ACSM3: variants seen among roughly 807,000 people sequenced by gnomAD.
The protein encoded by ACSM3 is acyl-CoA synthetase medium chain family member 3, also known as acyl-coenzyme A synthetase ACSM3, mitochondrial.
In ACSM3, 61 loss-of-function variants were observed where a neutral mutation model predicts 74.1. The ratio of observed to expected loss-of-function variants is 0.82; its 90% CI spans 0.67 to 1.02. The LOEUF (loss-of-function observed/expected upper bound fraction) is 1.02, where lower values mean the gene tolerates loss of function less well. Among genes scored for constraint, ACSM3 ranks in the 50% least tolerant of loss-of-function variants. The probability of loss-of-function intolerance (pLI) is 0.00; values close to 1 mark genes in which losing one functional copy is unlikely to be tolerated. For missense variants in ACSM3, 660 were observed against 697.0 expected, an observed-to-expected ratio of 0.95 and a Z score of 0.60; for synonymous variants, 213 against 241.5, an observed-to-expected ratio of 0.88 and a Z score of 1.09.
At chr16:20,761,976 G>GA (rs2080080710), upstream of ACSM3, among the ~76,000 whole-genome samples, 2 of 152,116 alleles carry the variant, frequency 1.3e-5, no homozygotes, top group African/African-American at 2.4e-5. Flanking sequence ...CCATGCCAAG[G>GA]AAAAAATCAA....
intron 1 of ACSM3, among the ~76,000 whole-genome samples, chr16:20,693,169 CA>C (rs35507753): frequency 0.17 from 19,535 of 114,324 alleles, 1,214 homozygotes; most frequent in Middle Eastern, 0.27. Flanking sequence ...AATTCCGTCT[CA>C]AAAAAAAAAA....
chr16:20,745,101 C>T (rs2079952282), intron 1 of ACSM3, among the ~76,000 whole-genome samples: 1 of 152,224 alleles, frequency 6.6e-6, no homozygotes, highest in South Asian at 2.1e-4. Context: ...TCGTCCAGCT[C>T]TAAATAACTC....
intron 1 of ACSM3, among the ~76,000 whole-genome samples, chr16:20,694,975 T>C (rs1282763964): frequency 1.3e-5 from 2 of 152,166 alleles, no homozygotes; most frequent in Non-Finnish European, 2.9e-5. Flanking sequence ...CTTCAGAACT[T>C]TGAGAAAATC....
chr16:20,678,001 AC>A (rs1403720317), intron 1 of ACSM3, among the ~76,000 whole-genome samples: 3 of 151,376 alleles, frequency 2.0e-5, no homozygotes, highest in Admixed American at 6.6e-5. Flanking sequence ...AAGGAAGAAT[AC>A]TAAAGGCTAA....
Position 20,781,076 on chromosome 16 carries a change from AGC to A in ACSM3, c.886_887del (p.Ala296MetfsTer11). 6.2e-7 allele frequency: 1 copy of A among 1,614,168 alleles called. No homozygotes were observed. The highest frequency in any genetic ancestry group is 8.5e-7 in the Non-Finnish European group (1 of 1,180,020). On this transcript the variant is annotated frameshift_variant, in exon 6 of 14. Coordinates refer to ENST00000289416, the MANE Select transcript of ACSM3 (RefSeq NM_005622.4). LOFTEE classifies it high-confidence loss of function. ...GTGTTTTTTCTCCGTGGATCCAGGG[AGC>A]ATGTGTATTCACACACCATTTACCC... ...SSVFSPWIQG[A>X]CVFTHHLPRF...
intron 7 of ACSM3, among the ~76,000 whole-genome samples, chr16:20,782,219 C>G (rs897110727): frequency 4.6e-5 from 7 of 152,060 alleles, no homozygotes; most frequent in Admixed American, 3.9e-4. Flanking sequence ...CCCCGTTTCT[C>G]TTTGTTTTGT....
At chr16:20,689,302 A>G (rs2079611138) in intron 1 of ACSM3, among the ~76,000 whole-genome samples, 1 of 152,144 alleles carries the variant, frequency 6.6e-6, no homozygotes, top group Admixed American at 6.5e-5. Context: ...TATTTATTGA[A>G]TATACACAAA....
chr16:20,690,568 G>T (rs968777320), intron 1 of ACSM3, among the ~76,000 whole-genome samples: 1 of 152,120 alleles, frequency 6.6e-6, no homozygotes, highest in Non-Finnish European at 1.5e-5. Context: ...GCACATTCAG[G>T]TGGTCTATCC....
At chr16:20,741,478 C>CAGGGGG in intron 1 of ACSM3, 2 of 1,336,932 alleles carry the variant, frequency 1.5e-6, no homozygotes, top group Non-Finnish European at 1.9e-6. Flanking sequence ...GGCCTGGCAG[C>CAGGGGG]CGGCCCGCCC....
At chr16:20,680,562 C>T (rs2079421820) in intron 1 of ACSM3, 1 of 152,222 alleles carries the variant, frequency 6.6e-6, no homozygotes, top group Non-Finnish European at 1.5e-5. Context: ...AACCAACAGC[C>T]TCAGCCAGTG....
At position 20,781,767 on chromosome 16, in the gene ACSM3, T is replaced by C. The variant is rs2080358451; in HGVS notation, c.999T>C (p.Leu333=). 1.2e-6 allele frequency: 2 copies of C among 1,611,328 alleles called. No homozygotes were observed. Among genetic ancestry groups the C allele is most frequent in the Non-Finnish European group, 1.7e-6 (2 of 1,177,594 alleles). Residue 333 remains leucine, a synonymous_variant, in exon 7 of 14, where the codon CTT becomes CTC. Coordinates refer to ENST00000289416, the MANE Select transcript of ACSM3 (RefSeq NM_005622.4). ...FCSAPTVYRM[L]VQNDITSYKF... ...CAGCACCAACTGTATACCGAATGCTTGTACAGAATGATATAACCAGGTAAG... is the reference window on the plus strand; with the variant it reads ...CAGCACCAACTGTATACCGAATGCTCGTACAGAATGATATAACCAGGTAAG...
chr16:20,739,810 G>A (rs546969826), intron 1 of ACSM3, among the ~76,000 whole-genome samples: 325 of 145,272 alleles, frequency 2.2e-3, no homozygotes, highest in African/African-American at 7.5e-3. Context: ...GACAGAGCAA[G>A]ACTCTGTCTC....
intron 1 of ACSM3, among the ~76,000 whole-genome samples, chr16:20,748,183 A>G (rs2079966267): frequency 6.6e-6 from 1 of 151,650 alleles, no homozygotes; most frequent in African/African-American, 2.4e-5. Context: ...AAATAAATAA[A>G]CAAAGAGTCT....
At position 20,717,989 on chromosome 16, in the gene ACSM3, A is replaced by G. The variant is rs574099064; in HGVS notation, c.-189-31921A>G. On this transcript the variant is annotated intron_variant, in intron 1 of 3. Coordinates refer to the ACSM3 transcript ENST00000561584. ...AAGAAGAAGAAGAAGAAGAAGAAGA[A>G]GAAGAAGAAGAAGAAGAAGAAGAAG... Among the ~76,000 whole-genome samples the G allele has an allele frequency of 3.6e-3, 520 of 142,482 alleles. 5 individuals carry two copies. The highest frequency in any genetic ancestry group is 6.4e-3 in the Non-Finnish European group (397 of 61,956). 93.5% of individuals were successfully genotyped at this position (142,482 alleles called of 152,430 possible).
At chr16:20,738,798 G>A (rs2079892343) in intron 1 of ACSM3, 1 of 1,369,286 alleles carries the variant, frequency 7.3e-7, no homozygotes, top group South Asian at 1.3e-5. Flanking sequence ...ATGATTAACT[G>A]AGTCATGCCC....
Position 20,790,105 on chromosome 16 carries a change from A to G in ACSM3, c.1225-482A>G, listed in dbSNP as rs1292040901. Among the ~76,000 whole-genome samples, 2 of 152,168 alleles carry G rather than the reference A, an allele frequency of 1.3e-5. No homozygotes were observed. Among genetic ancestry groups the G allele is most frequent in the East Asian group, 3.8e-4 (2 of 5,198 alleles). On this transcript the variant is annotated intron_variant, in intron 9 of 13. Coordinates refer to ENST00000289416, the MANE Select transcript of ACSM3 (RefSeq NM_005622.4). This position sits in a 1 kb window ranked among gnomAD's most constrained non-coding sequence, Gnocchi z 4.0. ...GTTGGTAACCTGTATTTAATATTTT[A>G]TGCAATAAGAATTTAAGTAAATATA...
rs61582869 is a variant in ACSM3, at chr16:20,742,813, A to ATATATTTT, written c.-189-7096_-189-7095insATATTTTT. ...TGTAAATATATATATATATATATAT[A>ATATATTTT]TTTTTTTTTTTTCCCTTCTCCCCTT... On this transcript the variant is annotated intron_variant, in intron 1 of 3. Coordinates refer to the ACSM3 transcript ENST00000561584. 9.0e-3 allele frequency among the ~76,000 whole-genome samples: 598 copies of ATATATTTT among 66,772 alleles called. 3 individuals are homozygous for ATATATTTT. Among genetic ancestry groups the ATATATTTT allele is most frequent in the African/African-American group, 0.016 (372 of 23,342 alleles). The allele number at this position is 66,772 out of a possible 152,430, so 43.8% of individuals were successfully genotyped here. A position where few individuals can be genotyped will look rare whatever the true frequency, so the allele number is the denominator to read the frequency against.
intron 1 of ACSM3, chr16:20,737,872 G>A: frequency 6.2e-7 from 1 of 1,613,670 alleles, no homozygotes; most frequent in Non-Finnish European, 8.5e-7. Flanking sequence ...GCCTGAGATG[G>A]GTAACATTCG....
intron 1 of ACSM3, among the ~76,000 whole-genome samples, chr16:20,748,327 A>G (rs1043640929): frequency 6.6e-6 from 1 of 152,216 alleles, no homozygotes; most frequent in Non-Finnish European, 1.5e-5. Flanking sequence ...GTAAGAGTAC[A>G]GCATTCAATG....
Sources: allele counts gnomAD v4.1 joint callset (sites outside exome capture counted in the v4.1 genomes callset), GRCh38; gene constraint gnomAD v4.1.1; non-coding constraint Gnocchi (gnomAD v3.1); transcripts MANE v1.5; gene names NCBI Gene and HGNC (gene_info 2026-07-23, HGNC 2026-07-21).